PCDHA2: variants seen among roughly 807,000 people sequenced by gnomAD.
PCDHA2 encodes protocadherin alpha-2.
PCDHA2 carries 58 observed loss-of-function variants against 66.0 expected under a neutral mutation model. The observed-to-expected ratio is 0.88, with a 90% CI of 0.71 to 1.09. PCDHA2 has a LOEUF of 1.09. Among genes scored for constraint, PCDHA2 ranks in the 50% least tolerant of loss-of-function variants. PCDHA2 has a pLI of 0.00. For synonymous variants in PCDHA2, 634 were observed against 554.0 expected (o/e 1.14, Z -2.03); for missense variants, 1,267 against 1,242.3 (o/e 1.02, Z -0.30).
intron 1 of PCDHA2, among the ~76,000 whole-genome samples, chr5:140,937,273 G>A (rs1165421382): frequency 1.3e-5 from 2 of 151,966 alleles, no homozygotes; most frequent in African/African-American, 2.4e-5. Context: ...TCCTGACCTC[G>A]TGATTCACCC....
Position 140,822,585 on chromosome 5 carries a change from G to A in PCDHA2, c.2388+25233G>A, listed in dbSNP as rs2150117508. 1.4e-5 allele frequency: 22 copies of A among 1,612,046 alleles called. No individual in the cohort carries two copies. The East Asian group carries it at 3.8e-4, about 28-fold the overall frequency. ...AACTGAACGCCTCAGATGCAGATGA[G>A]GGCATCAATAAGGAAATAGTGTATT... On this transcript the variant is annotated intron_variant, in intron 1 of 3. Coordinates refer to ENST00000526136, the MANE Select transcript of PCDHA2 (RefSeq NM_018905.3).
chr5:140,823,906 G>T (rs2150130181), intron 1 of PCDHA2: 3 of 1,613,906 alleles, frequency 1.9e-6, no homozygotes, highest in East Asian at 2.2e-5. Context: ...CAGCCTGCTG[G>T]TGCTCACGCT....
At chr5:140,838,077 A>ATATAGTGTGTGT (rs1203070308) in intron 1 of PCDHA2, among the ~76,000 whole-genome samples, 2 of 80,700 alleles carry the variant, frequency 2.5e-5, no homozygotes, top group Admixed American at 2.3e-4. Context: ...ATATATATAT[A>ATATAGTGTGTGT]GTGTGTGTGT....
intron 1 of PCDHA2, chr5:140,876,058 C>T (rs781906188): frequency 6.2e-7 from 1 of 1,613,868 alleles, no homozygotes; most frequent in Middle Eastern, 1.6e-4. Context: ...TGAATTAGTT[C>T]TTCGGAAGTT....
chr5:141,006,357 G>A (rs1296731156), intron 3 of PCDHA2, among the ~76,000 whole-genome samples: 1 of 151,914 alleles, frequency 6.6e-6, no homozygotes, highest in Middle Eastern at 3.4e-3. Context: ...GACTATAGGC[G>A]CCCACCACCA....
intron 1 of PCDHA2, chr5:140,928,699 G>C (rs782291734): frequency 1.2e-6 from 2 of 1,614,170 alleles, no homozygotes; most frequent in East Asian, 2.2e-5. Flanking sequence ...CATCTCCCGG[G>C]CGTCTGACTC....
At chr5:140,798,639 T>C (rs1480181515) in intron 1 of PCDHA2, among the ~76,000 whole-genome samples, 1 of 152,204 alleles carries the variant, frequency 6.6e-6, no homozygotes, top group Non-Finnish European at 1.5e-5. Flanking sequence ...TAATGTGAGC[T>C]CACTCAATTT....
rs2150138849 is a variant in PCDHA2, at chr5:140,825,337, T to C, written c.2388+27985T>C. On this transcript the variant is annotated intron_variant, in intron 1 of 3. Transcript: ENST00000526136. Reference sequence around the variant, plus strand: ...AATTTTCTGGAAATTTGCATATTTTTCAATATATCTAATATATATTAGATA... The same window carrying C: ...AATTTTCTGGAAATTTGCATATTTTCCAATATATCTAATATATATTAGATA... 3 of 148,006 alleles carry C rather than the reference T, an allele frequency of 2.0e-5. No individual in the cohort carries two copies. In the East Asian group the frequency reaches 5.8e-4, roughly 29 times the overall value. 9.2% of individuals were successfully genotyped at this position (148,006 alleles called of 1,614,324 possible). A position where few individuals can be genotyped will look rare whatever the true frequency, so the allele number is the denominator to read the frequency against.
intron 1 of PCDHA2, among the ~76,000 whole-genome samples, chr5:140,901,883 C>G (rs1206318073): frequency 5.3e-5 from 8 of 152,038 alleles, no homozygotes; most frequent in Non-Finnish European, 1.0e-4. Flanking sequence ...CTTTCATCAG[C>G]ATTTTATATT....
In PCDHA2 at chr5:140,843,632, G is replaced by A. The variant is rs2150363931; in HGVS notation, c.2388+46280G>A. 5 of 1,595,852 alleles carry A rather than the reference G, an allele frequency of 3.1e-6. No homozygotes were observed. In the African/African-American group the frequency reaches 4.0e-5, roughly 13 times the overall value. ...GGGGCCACCGAAGACGGACCTCATG[G>A]CCTTCAGCCCCTGCCTTCCTCCTGA... On this transcript the variant is annotated intron_variant, in intron 1 of 3. Transcript: ENST00000526136.
chr5:140,848,892 T>A (rs2150423742), intron 1 of PCDHA2: 2 of 1,601,494 alleles, frequency 1.2e-6, no homozygotes, highest in East Asian at 2.2e-5. Context: ...CCCTCCAGTG[T>A]TCCCAGCGAC....
chr5:140,835,640 C>T (rs2150240382), intron 1 of PCDHA2: 4 of 1,613,770 alleles, frequency 2.5e-6, no homozygotes, highest in Admixed American at 3.3e-5. Flanking sequence ...AGAGTGTGTC[C>T]GCCTATGAGC....
chr5:141,009,060 G>C (rs1192687086), intron 3 of PCDHA2, among the ~76,000 whole-genome samples: 4 of 152,176 alleles, frequency 2.6e-5, no homozygotes, highest in Non-Finnish European at 5.9e-5. Context: ...AATCACAACT[G>C]TATTCTTTAG....
chr5:140,858,133 C>T, intron 1 of PCDHA2: 1 of 1,597,688 alleles, frequency 6.3e-7, no homozygotes, highest in Non-Finnish European at 8.6e-7. Context: ...TGGATGTCAA[C>T]GTGTACCTGA....
At chr5:140,862,494 G>A (rs1008951764) in intron 1 of PCDHA2, 2 of 389,834 alleles carry the variant, frequency 5.1e-6, no homozygotes, top group South Asian at 2.0e-5. Context: ...GTAATCGCTC[G>A]GAATGGGGAC....
At chr5:140,805,888 G>A (rs1030166) in intron 1 of PCDHA2, among the ~76,000 whole-genome samples, 87,675 of 151,904 alleles carry the variant, frequency 0.58, 25,936 homozygotes, top group African/African-American at 0.7. Flanking sequence ...ATGGAAGGAA[G>A]CAAACATTTT....
chr5:140,828,709 T>C, intron 1 of PCDHA2: 2 of 1,614,254 alleles, frequency 1.2e-6, no homozygotes, highest in Non-Finnish European at 8.5e-7. Flanking sequence ...AGGAAGCTCC[T>C]GCACACAACT....
intron 1 of PCDHA2, chr5:140,860,573 A>G (rs1299479847): frequency 6.6e-6 from 1 of 152,226 alleles, no homozygotes; most frequent in Non-Finnish European, 1.5e-5. Context: ...ATCATACACA[A>G]GAAGGTATAG....
intron 1 of PCDHA2, among the ~76,000 whole-genome samples, chr5:140,895,035 C>T (rs1235775113): frequency 6.6e-6 from 1 of 152,104 alleles, no homozygotes; most frequent in East Asian, 1.9e-4. Context: ...AATTGTCCCC[C>T]ACCCACACCA....
Sources: gnomAD v4.1 joint callset for allele counts (sites outside exome capture counted in the v4.1 genomes callset) on GRCh38, gnomAD v4.1.1 for gene constraint, MANE v1.5 for transcripts, NCBI Gene and HGNC (gene_info 2026-07-23, HGNC 2026-07-21) for gene names.